FOXK2: variants seen among roughly 807,000 people sequenced by gnomAD.
FOXK2 encodes forkhead box K2.
A neutral mutation model predicts 53.3 loss-of-function variants in FOXK2; 24 were observed. The ratio of observed to expected loss-of-function variants is 0.45; its 90% CI spans 0.33 to 0.63. The LOEUF (loss-of-function observed/expected upper bound fraction) is 0.63, where lower values mean the gene tolerates loss of function less well. FOXK2 is among the 30% of genes least tolerant of loss of function. The pLI is 0.03. For missense variants in FOXK2, 952 were observed against 910.5 expected (o/e 1.05, Z -0.59); for synonymous variants, 505 against 407.1 (o/e 1.24, Z -2.89).
At chr17:82,591,120 T>G (rs903009246) in intron 8 of FOXK2, among the ~76,000 whole-genome samples, 53 of 152,172 alleles carry the variant, frequency 3.5e-4, no homozygotes, top group African/African-American at 1.3e-3. Flanking sequence ...CCATGCACTG[T>G]AGCCCTGGCC....
At chr17:82,591,223 CTG>C (rs2045250244) in intron 8 of FOXK2, among the ~76,000 whole-genome samples, 1 of 152,092 alleles carries the variant, frequency 6.6e-6, no homozygotes, top group South Asian at 2.1e-4. Context: ...GAAGGTGACT[CTG>C]GGGTTGTCGC....
chr17:82,561,837 C>T (rs72862306), intron 1 of FOXK2, among the ~76,000 whole-genome samples: 6 of 151,520 alleles, frequency 4.0e-5, no homozygotes, highest in South Asian at 2.1e-4. Flanking sequence ...AGGGCCATGG[C>T]GTAGCCTCCG....
chr17:82,561,675 C>T (rs748407153), intron 1 of FOXK2, among the ~76,000 whole-genome samples: 2 of 122,580 alleles, frequency 1.6e-5, no homozygotes, highest in African/African-American at 3.0e-5. Context: ...GGCAAAGAAG[C>T]GAGTGTTGAA....
intron 1 of FOXK2, among the ~76,000 whole-genome samples, chr17:82,521,112 C>T (rs2044357523): frequency 6.6e-6 from 1 of 152,140 alleles, no homozygotes; most frequent in Non-Finnish European, 1.5e-5. Flanking sequence ...GCTAATTATT[C>T]CTCAGGGGCT....
intron 8 of FOXK2, among the ~76,000 whole-genome samples, chr17:82,589,202 A>G (rs2045229355): frequency 6.6e-6 from 1 of 152,180 alleles, no homozygotes; most frequent in African/African-American, 2.4e-5. Flanking sequence ...TTTTCAGTGT[A>G]CTACTGGACT....
chr17:82,555,123 C>T (rs1264344717), intron 1 of FOXK2, among the ~76,000 whole-genome samples: 1 of 152,194 alleles, frequency 6.6e-6, no homozygotes, highest in Non-Finnish European at 1.5e-5. Context: ...GCCCCCTCAT[C>T]AGCCTAGTGT....
rs571123943 is a variant in FOXK2 at position 82,550,760 on chromosome 17, C to T, written c.420-12594C>T. On this transcript the variant is annotated intron_variant, in intron 1 of 8. Coordinates refer to ENST00000335255, the MANE Select transcript of FOXK2 (RefSeq NM_004514.4). ...GACCTTGTGATCCGCCTGCCTCAGC[C>T]TCCCAAAGTGCTGGGATGACAGGTG... Among the ~76,000 whole-genome samples, 4 of 152,244 alleles carry T rather than the reference C, an allele frequency of 2.6e-5. No homozygotes were observed. In the East Asian group the frequency reaches 5.8e-4, roughly 22 times the overall value.
chr17:82,553,327 G>T (rs1039968777), intron 1 of FOXK2, among the ~76,000 whole-genome samples: 1 of 152,240 alleles, frequency 6.6e-6, no homozygotes, highest in African/African-American at 2.4e-5. Context: ...AGAAAAGGAC[G>T]TCAGGAGTCT....
intron 1 of FOXK2, among the ~76,000 whole-genome samples, chr17:82,557,920 C>T (rs916747276): frequency 1.3e-5 from 2 of 152,036 alleles, no homozygotes; most frequent in African/African-American, 2.4e-5. Context: ...CCCTCAATGC[C>T]GGGATTACAG....
intron 1 of FOXK2, among the ~76,000 whole-genome samples, chr17:82,526,211 G>T (rs1314300068): frequency 6.6e-6 from 1 of 152,182 alleles, no homozygotes; most frequent in African/African-American, 2.4e-5. Context: ...CAGTGATTCT[G>T]TCCTACTCAG....
chr17:82,583,893 C>T (rs1328861091), intron 5 of FOXK2, 120 bp from the exon 6 acceptor site: 6 of 1,022,798 alleles, frequency 5.9e-6, no homozygotes, highest in Non-Finnish European at 8.4e-6. Flanking sequence ...ACTTACACAA[C>T]AGTACTTGGT....
At position 82,571,740 on chromosome 17, in the gene FOXK2, C is replaced by T. The variant is rs757718866; in HGVS notation, c.779C>T (p.Pro260Leu). Residue 260 changes from proline to leucine, a missense_variant, in exon 4 of 9, where the codon CCT becomes CTT. This residue lies in a region of FOXK2 where 160 missense variants were observed against 214.2 expected (regional missense o/e 0.75). Coordinates refer to ENST00000335255, the MANE Select transcript of FOXK2 (RefSeq NM_004514.4). ...TAAATACAGGATGATTCAAAGCCGC[C>T]TTACTCCTACGCGCAGCTGATAGTT... ...GDSPKDDSKP[P>L]YSYAQLIVQA... 1.3e-6 allele frequency: 2 copies of T among 1,558,614 alleles called. No individual in the cohort carries two copies. Among genetic ancestry groups the T allele is most frequent in the Non-Finnish European group, 1.7e-6 (2 of 1,157,800 alleles).
chr17:82,553,753 G>A (rs1248935085), intron 1 of FOXK2, among the ~76,000 whole-genome samples: 1 of 152,246 alleles, frequency 6.6e-6, no homozygotes, highest in Non-Finnish European at 1.5e-5. Flanking sequence ...AGTTGCGCCT[G>A]TGGTGGAGAT....
At chr17:82,533,734 C>T (rs571671260) in intron 1 of FOXK2, among the ~76,000 whole-genome samples, 1 of 151,922 alleles carries the variant, frequency 6.6e-6, no homozygotes, top group African/African-American at 2.4e-5. Flanking sequence ...ATATGCGGCC[C>T]ATCATTGACT....
intron 1 of FOXK2, among the ~76,000 whole-genome samples, chr17:82,537,090 G>T (rs2144063773): frequency 6.6e-6 from 1 of 152,276 alleles, no homozygotes; most frequent in East Asian, 1.9e-4. Context: ...GTTGTAGAAG[G>T]TTCTTGCTGC....
intron 1 of FOXK2, among the ~76,000 whole-genome samples, chr17:82,537,619 C>CAAAAAAA (rs963026198): frequency 3.8e-5 from 2 of 53,022 alleles, no homozygotes; most frequent in Non-Finnish European, 6.8e-5. Flanking sequence ...GACTCCATCT[C>CAAAAAAA]AAAAAAAAAA....
intron 4 of FOXK2, among the ~76,000 whole-genome samples, chr17:82,580,289 C>T (rs1245605294): frequency 4.6e-5 from 6 of 131,534 alleles, no homozygotes; most frequent in Admixed American, 4.4e-4. Flanking sequence ...CATGGCCCAG[C>T]CCTCCTCTCC....
At chr17:82,573,543 C>G (rs2044944123) in intron 4 of FOXK2, among the ~76,000 whole-genome samples, 1 of 86,320 alleles carries the variant, frequency 1.2e-5, no homozygotes, top group Non-Finnish European at 2.3e-5. Flanking sequence ...CACACTCTCT[C>G]TCTCTCTCTC....
rs1416601831 is a variant in FOXK2, at chr17:82,584,262, G to C, written c.1279+74G>C. 4.9e-6 allele frequency: 7 copies of C among 1,433,444 alleles called. No homozygotes were observed. In the African/African-American group the frequency reaches 8.5e-5, roughly 18 times the overall value. The allele number at this position is 1,433,444 out of a possible 1,614,324, so 88.8% of individuals were successfully genotyped here. A position where few individuals can be genotyped will look rare whatever the true frequency, so the allele number is the denominator to read the frequency against. On this transcript the variant is annotated intron_variant, in intron 6 of 8. Transcript: ENST00000335255. ...GCGGACGCCTGGGCTCCACAGAGAA[G>C]AAACAGCCGGACTGGAGGCCTGCCT...
Sources: allele counts gnomAD v4.1 joint callset (sites outside exome capture counted in the v4.1 genomes callset), GRCh38; gene constraint gnomAD v4.1.1; regional missense constraint gnomAD v4.1.1; transcripts MANE v1.5; gene names NCBI Gene and HGNC (gene_info 2026-07-23, HGNC 2026-07-21).